MID2: variants seen among roughly 807,000 people sequenced by gnomAD.
The protein encoded by MID2 is probable E3 ubiquitin-protein ligase MID2.
Under a neutral mutation model 46.1 loss-of-function variants are expected in MID2, and 13 were observed. The ratio of observed to expected loss-of-function variants is 0.28; its 90% CI spans 0.18 to 0.45. The LOEUF (loss-of-function observed/expected upper bound fraction) is 0.45. Ranked by LOEUF, MID2 falls within the 20% of genes least tolerant of loss-of-function variation. MID2 has a pLI of 1.00. For synonymous variants in MID2, 199 were observed against 212.3 expected, an observed-to-expected ratio of 0.94 and a Z score of 0.55; for missense variants, 431 against 575.4, an observed-to-expected ratio of 0.75 and a Z score of 2.57.
At chrX:107,900,626 C>A (rs779911409) in intron 3 of MID2, among the ~76,000 whole-genome samples, 2 of 111,476 alleles carry the variant, frequency 1.8e-5, no homozygotes, top group African/African-American at 6.5e-5. Context: ...CTTAAAGATA[C>A]CATATTGCCT....
At chrX:107,896,756 G>A (rs1932744654) in intron 3 of MID2, among the ~76,000 whole-genome samples, 1 of 111,306 alleles carries the variant, frequency 9.0e-6, no homozygotes, top group Non-Finnish European at 1.9e-5. Flanking sequence ...ATTGTCGTGA[G>A]AGGCAACTCT....
chrX:107,900,199 C>A (rs1212437821), intron 3 of MID2, among the ~76,000 whole-genome samples: 1 of 111,265 alleles, frequency 9.0e-6, no homozygotes, highest in African/African-American at 3.3e-5. Flanking sequence ...ACATTCCCAC[C>A]CTAGCTCCCT....
intron 3 of MID2, among the ~76,000 whole-genome samples, chrX:107,874,388 G>A (rs996410095): frequency 2.7e-5 from 3 of 112,574 alleles, no homozygotes; most frequent in African/African-American, 9.7e-5. Context: ...ATTCCCCATG[G>A]TTAACTTAGT....
chrX:107,866,698 G>A (rs1275352697), intron 3 of MID2, among the ~76,000 whole-genome samples: 2 of 112,283 alleles, frequency 1.8e-5, no homozygotes, highest in Non-Finnish European at 3.8e-5. Flanking sequence ...AGTTGAGAAA[G>A]CAGAGCTAAC....
At chrX:107,825,739 C>G (rs1383368600), upstream of MID2, 1 of 147,253 alleles carries the variant, frequency 6.8e-6, no homozygotes. Flanking sequence ...GTCCGGGTCC[C>G]TCTCGGTGTG....
chrX:107,839,478 A>T (rs73527024), intron 1 of MID2, among the ~76,000 whole-genome samples: 21,948 of 107,627 alleles, frequency 0.2, 2,526 homozygotes, highest in African/African-American at 0.43. Context: ...TTCAAGCGAT[A>T]CTTCTGGTTC....
intron 3 of MID2, among the ~76,000 whole-genome samples, chrX:107,891,747 T>C (rs2147855733): frequency 8.9e-6 from 1 of 112,200 alleles, no homozygotes; most frequent in East Asian, 2.8e-4. Context: ...TTCCCTTCCC[T>C]CTGATGCTTA....
At chrX:107,839,379 G>GTTT (rs746993882) in intron 1 of MID2, among the ~76,000 whole-genome samples, 27 of 93,735 alleles carry the variant, frequency 2.9e-4, no homozygotes, top group African/African-American at 1.1e-3. Context: ...TGTTTTGTTT[G>GTTT]TTTTTTTTTT....
chrX:107,866,420 AAAACACAC>A (rs1931956343), intron 3 of MID2, among the ~76,000 whole-genome samples: 1 of 74,839 alleles, frequency 1.3e-5, no homozygotes, highest in Non-Finnish European at 2.5e-5. Flanking sequence ...AAAGCCACTG[AAAACACAC>A]ACACACACAC....
At chrX:107,900,998 A>G (rs1020907731) in intron 3 of MID2, 2 of 111,985 alleles carry the variant, frequency 1.8e-5, no homozygotes, top group Non-Finnish European at 3.8e-5. Flanking sequence ...AGAGTAGAGG[A>G]AGGATTATGA....
At chrX:107,902,306 A>G (rs1014050109) in intron 3 of MID2, among the ~76,000 whole-genome samples, 10 of 112,063 alleles carry the variant, frequency 8.9e-5, no homozygotes, top group Non-Finnish European at 1.7e-4. Flanking sequence ...ATCATTGTGT[A>G]CTACACCAGT....
chrX:107,909,911 T>G (rs1222868901), intron 5 of MID2, among the ~76,000 whole-genome samples: 1 of 112,336 alleles, frequency 8.9e-6, no homozygotes, highest in Non-Finnish European at 1.9e-5. Context: ...GTTGTATACA[T>G]TAATGGGTTG....
At chrX:107,838,340 A>G (rs1452899580) in intron 1 of MID2, among the ~76,000 whole-genome samples, 2 of 112,472 alleles carry the variant, frequency 1.8e-5, no homozygotes, top group Non-Finnish European at 3.8e-5. Flanking sequence ...GTCTCTTCCA[A>G]TTCTAAGATT....
intron 3 of MID2, among the ~76,000 whole-genome samples, chrX:107,863,043 C>A (rs1201263374): frequency 8.9e-6 from 1 of 111,958 alleles, no homozygotes; most frequent in African/African-American, 3.2e-5. Context: ...AAGAATATAA[C>A]GATTGACATT....
chrX:107,862,599 A>G (rs1277220506), intron 3 of MID2, among the ~76,000 whole-genome samples: 1 of 112,407 alleles, frequency 8.9e-6, no homozygotes, highest in African/African-American at 3.2e-5. Flanking sequence ...CTGCAAGAAT[A>G]TCCAAAAGAT....
At position 107,917,502 on chromosome X, in the gene MID2, A is replaced by G. The variant is rs757307309; in HGVS notation, c.1202-4A>G. The G allele has an allele frequency of 8.4e-7, 1 of 1,187,991 alleles. No homozygotes were observed. Among genetic ancestry groups the G allele is most frequent in the East Asian group, 3.0e-5 (1 of 33,619 alleles). The stretch of plus-strand genomic sequence containing the variant: ...CTTACTTTCTTTTCCACCTTTCCTT[A>G]CAGCCCCAAACCCACCATCTATCCG... On this transcript the variant is annotated splice_polypyrimidine_tract_variant and splice_region_variant and intron_variant, in intron 6 of 9. Coordinates refer to ENST00000262843, the MANE Select transcript of MID2 (RefSeq NM_012216.4).
intron 3 of MID2, among the ~76,000 whole-genome samples, chrX:107,899,144 A>G (rs1484693123): frequency 9.2e-6 from 1 of 108,183 alleles, no homozygotes; most frequent in Non-Finnish European, 1.9e-5. Flanking sequence ...AAATAACTAT[A>G]GAATGAGCAA....
chrX:107,857,429 C>T (rs1281253795), intron 3 of MID2, among the ~76,000 whole-genome samples: 1 of 111,306 alleles, frequency 9.0e-6, no homozygotes, highest in Non-Finnish European at 1.9e-5. Flanking sequence ...TACAGGCACA[C>T]GCCACCATGC....
At chrX:107,863,482 T>G (rs763420238) in intron 3 of MID2, among the ~76,000 whole-genome samples, 1 of 111,935 alleles carries the variant, frequency 8.9e-6, no homozygotes, top group East Asian at 2.8e-4. Context: ...CCTCCTCTAG[T>G]TCTCATTTCT....
Sources: allele counts gnomAD v4.1 joint callset (sites outside exome capture counted in the v4.1 genomes callset), GRCh38; gene constraint gnomAD v4.1.1; transcripts MANE v1.5; gene names NCBI Gene and HGNC (gene_info 2026-07-23, HGNC 2026-07-21).